The following UBE2D4 variants were observed in gnomAD, a reference collection of about 807,000 sequenced individuals.
The protein encoded by UBE2D4 is ubiquitin conjugating enzyme E2 D4.
UBE2D4 carries 17 observed loss-of-function variants against 23.0 expected under a neutral mutation model. The ratio of observed to expected loss-of-function variants is 0.74; its 90% CI spans 0.51 to 1.11. UBE2D4 has a LOEUF of 1.11. Ranked by LOEUF, UBE2D4 falls within the 50% of genes least tolerant of loss-of-function variation. UBE2D4 has a pLI of 0.00. For synonymous variants in UBE2D4, 61 were observed against 69.4 expected (o/e 0.88, Z 0.60); for missense variants, 139 against 181.8 (o/e 0.76, Z 1.35).
intron 5 of UBE2D4, among the ~76,000 whole-genome samples, chr7:43,949,917 C>T (rs11770232): frequency 0.13 from 20,081 of 152,036 alleles, 1,496 homozygotes; most frequent in Admixed American, 0.23. Flanking sequence ...TGCAATGGCG[C>T]GATCTCGGCT....
intron 4 of UBE2D4, among the ~76,000 whole-genome samples, chr7:43,945,760 G>A (rs1044739475): frequency 6.6e-6 from 1 of 150,800 alleles, no homozygotes; most frequent in East Asian, 1.9e-4. Context: ...CAAAGCTAGC[G>A]GAGGAGGCAA....
rs1255315894 is a variant in UBE2D4 at position 43,952,869 on chromosome 7, C to T, written c.*174C>T. 3.2e-5 allele frequency: 19 copies of T among 589,132 alleles called. No individual in the cohort carries two copies. Among genetic ancestry groups the T allele is most frequent in the South Asian group, 5.5e-5 (3 of 54,874 alleles). 36.5% of individuals were successfully genotyped at this position (589,132 alleles called of 1,614,324 possible). On this transcript the variant is annotated 3_prime_UTR_variant, in exon 7 of 7. Transcript: ENST00000222402. ...ATGTTGGTGCCATTTTCAGCAATTA[C>T]GGCTTTGACAGTGCCACCTCTTTGA...
chr7:43,931,086 A>T (rs2095944321), intron 1 of UBE2D4, among the ~76,000 whole-genome samples: 1 of 150,724 alleles, frequency 6.6e-6, no homozygotes, highest in Non-Finnish European at 1.5e-5. Flanking sequence ...ATGCCACTAC[A>T]CTCCAGCCTG....
At chr7:43,943,091 C>A (rs1243722940) in intron 4 of UBE2D4, 60 bp downstream of exon 4, 2 of 1,539,652 alleles carry the variant, frequency 1.3e-6, no homozygotes, top group East Asian at 4.5e-5. Context: ...TGACAAGGGG[C>A]CCTTCAAGTC....
intron 2 of UBE2D4, chr7:43,942,551 G>A (rs1191061700): frequency 1.7e-6 from 1 of 585,910 alleles, no homozygotes; most frequent in Non-Finnish European, 3.0e-6. Flanking sequence ...GGAGAGAGAA[G>A]AATAGAAACT....
chr7:43,942,541 G>A (rs984393178), intron 2 of UBE2D4: 3 of 571,828 alleles, frequency 5.2e-6, no homozygotes, highest in Non-Finnish European at 9.4e-6. Context: ...CTGACTCCAC[G>A]GAGAGAGAAG....
At chr7:43,950,792 A>G in intron 6 of UBE2D4, 100 bp downstream of exon 6, 1 of 954,466 alleles carries the variant, frequency 1.0e-6, no homozygotes, top group Non-Finnish European at 1.7e-6. Flanking sequence ...GCAGGTTCCC[A>G]CAGACATCTT....
At position 43,926,443 on chromosome 7, in the gene UBE2D4, C is replaced by A; in HGVS notation, c.-90C>A. ...CGCGCGCAAGCGCAGGCTGCGGCTC[C>A]CGGCGTGCAGCTTGGTGGCGGCTGA... is the stretch of plus-strand genomic sequence containing the variant. On this transcript the variant is annotated 5_prime_UTR_variant, in exon 1 of 7. Transcript: ENST00000222402. The A allele has an allele frequency of 8.3e-7, 1 of 1,198,124 alleles. No homozygotes were observed. Among genetic ancestry groups the A allele is most frequent in the Non-Finnish European group, 1.1e-6 (1 of 930,894 alleles). 74.2% of individuals were successfully genotyped at this position (1,198,124 alleles called of 1,614,324 possible).
intron 6 of UBE2D4, among the ~76,000 whole-genome samples, chr7:43,951,417 T>C (rs2096002252): frequency 6.6e-6 from 1 of 152,220 alleles, no homozygotes; most frequent in African/African-American, 2.4e-5. Flanking sequence ...ATCTCAGTTG[T>C]GGACCTTCAG....
chr7:43,936,992 C>A (rs2095960066), intron 1 of UBE2D4, among the ~76,000 whole-genome samples: 2 of 152,144 alleles, frequency 1.3e-5, no homozygotes, highest in Non-Finnish European at 1.5e-5. Context: ...AGTTAGTATT[C>A]GAAACTCCTG....
intron 6 of UBE2D4, chr7:43,952,071 C>A (rs2096003861): frequency 1.3e-5 from 2 of 153,032 alleles, no homozygotes; most frequent in Admixed American, 6.5e-5. Context: ...GTGCACACAC[C>A]TGCATAGTCT....
At chr7:43,932,984 G>GTATATAAATA in intron 1 of UBE2D4, among the ~76,000 whole-genome samples, 1 of 85,812 alleles carries the variant, frequency 1.2e-5, no homozygotes, top group East Asian at 4.9e-4. Flanking sequence ...AAATGTTAAA[G>GTATATAAATA]TATATATATA....
chr7:43,936,002 G>A (rs2527809), intron 1 of UBE2D4, among the ~76,000 whole-genome samples: 101,884 of 151,940 alleles, frequency 0.67, 34,074 homozygotes, highest in South Asian at 0.74. Context: ...AGCCTCCTGA[G>A]TAGCTGGTTA....
intron 4 of UBE2D4, among the ~76,000 whole-genome samples, chr7:43,945,486 T>C (rs907235924): frequency 2.6e-5 from 4 of 152,126 alleles, no homozygotes; most frequent in Non-Finnish European, 4.4e-5. Flanking sequence ...TTTCTGACAA[T>C]AGGAGGAATC....
At position 43,931,617 on chromosome 7, in the gene UBE2D4, G is replaced by C. The variant is rs867252852; in HGVS notation, c.24+5061G>C. Among the ~76,000 whole-genome samples, 1,327 of 133,730 alleles carry C rather than the reference G, an allele frequency of 9.9e-3. 14 individuals carry two copies. Among genetic ancestry groups the C allele is most frequent in the Non-Finnish European group, 0.017 (1,007 of 60,872 alleles). 87.7% of individuals were successfully genotyped at this position (133,730 alleles called of 152,430 possible). Reference sequence around the variant, plus strand: ...GTGGAAGGCAAACCGGGGTGGGGGGGCGGGGGGGGTGGCAGAGCAGGCATG... The same window carrying C: ...GTGGAAGGCAAACCGGGGTGGGGGGCCGGGGGGGGTGGCAGAGCAGGCATG... On this transcript the variant is annotated intron_variant, in intron 1 of 6. Transcript: ENST00000222402.
intron 1 of UBE2D4, 58 bp downstream of exon 1, chr7:43,926,614 G>A: frequency 1.2e-5 from 18 of 1,508,954 alleles, no homozygotes; most frequent in Non-Finnish European, 1.5e-5. Context: ...GGTGTGGGCG[G>A]GGCGCCGCTG....
chr7:43,949,176 A>G (rs1585886728), intron 5 of UBE2D4: 2 of 223,430 alleles, frequency 9.0e-6, no homozygotes, highest in East Asian at 1.9e-4. Context: ...CTCCCTTCCC[A>G]AAATAAATGA....
intron 1 of UBE2D4, 138 bp downstream of exon 1, chr7:43,926,694 C>G: frequency 1.1e-6 from 1 of 914,406 alleles, no homozygotes; most frequent in Non-Finnish European, 1.5e-6. Context: ...GGCAGAACAG[C>G]CTCCCGCGCA....
chr7:43,928,887 A>T (rs772046549), intron 1 of UBE2D4, among the ~76,000 whole-genome samples: 34 of 152,286 alleles, frequency 2.2e-4, no homozygotes, highest in Non-Finnish European at 4.1e-4. Flanking sequence ...GGCTGATAAG[A>T]TTTATAAAAG....
Sources: gnomAD v4.1 joint callset for allele counts (sites outside exome capture counted in the v4.1 genomes callset) on GRCh38, gnomAD v4.1.1 for gene constraint, MANE v1.5 for transcripts, NCBI Gene and HGNC (gene_info 2026-07-23, HGNC 2026-07-21) for gene names.